The following SGCD variants were observed in gnomAD, a reference collection of about 807,000 sequenced individuals.
The protein encoded by SGCD is delta-sarcoglycan.
Under a neutral mutation model 36.6 loss-of-function variants are expected in SGCD, and 18 were observed. The ratio of observed to expected loss-of-function variants is 0.49; its 90% CI spans 0.34 to 0.73. The LOEUF (loss-of-function observed/expected upper bound fraction) is 0.73, where lower values mean the gene tolerates loss of function less well. Ranked by LOEUF, SGCD falls within the 30% of genes least tolerant of loss-of-function variation. The pLI is 0.01. For missense variants in SGCD, 387 were observed against 346.7 expected (o/e 1.12, Z -0.92); for synonymous variants, 133 against 130.6 (o/e 1.02, Z -0.12).
upstream of SGCD, among the ~76,000 whole-genome samples, chr5:156,323,835 G>T (rs527404413): frequency 6.6e-6 from 1 of 152,170 alleles, no homozygotes; most frequent in African/African-American, 2.4e-5. Flanking sequence ...AGAATAAAAA[G>T]GTGTAATAGG....
chr5:156,630,281 C>T (rs1431942027), intron 6 of SGCD, among the ~76,000 whole-genome samples: 1 of 152,154 alleles, frequency 6.6e-6, no homozygotes, highest in African/African-American at 2.4e-5. Context: ...AAATCTTCAG[C>T]ATCTCTTATA....
At chr5:156,615,761 C>T (rs984175003) in intron 6 of SGCD, among the ~76,000 whole-genome samples, 4 of 151,832 alleles carry the variant, frequency 2.6e-5, no homozygotes, top group Non-Finnish European at 5.9e-5. Context: ...ATCTGGGAGC[C>T]CAAGAAGAAA....
intron 3 of SGCD, among the ~76,000 whole-genome samples, chr5:156,224,526 T>G (rs1449554314): frequency 6.6e-6 from 1 of 152,144 alleles, no homozygotes; most frequent in African/African-American, 2.4e-5. Flanking sequence ...TCCAAATTAG[T>G]TTTTGTACCA....
chr5:156,122,227 C>T (rs187625466), intron 2 of SGCD, among the ~76,000 whole-genome samples: 1 of 152,192 alleles, frequency 6.6e-6, no homozygotes, highest in East Asian at 1.9e-4. Flanking sequence ...AAATATTTAT[C>T]GAGCTCCACT....
chr5:156,718,612 T>C (rs1451114433), intron 7 of SGCD, among the ~76,000 whole-genome samples: 1 of 151,760 alleles, frequency 6.6e-6, no homozygotes, highest in African/African-American at 2.4e-5. Flanking sequence ...AGACCCAGTC[T>C]CATAAAAAGA....
At chr5:156,228,469 C>A (rs1764913100) in intron 3 of SGCD, among the ~76,000 whole-genome samples, 1 of 152,144 alleles carries the variant, frequency 6.6e-6, no homozygotes, top group African/African-American at 2.4e-5. Context: ...CCCCTGCTTG[C>A]TTTTGATGTC....
At chr5:156,463,563 G>C (rs960066666) in intron 3 of SGCD, among the ~76,000 whole-genome samples, 1 of 152,102 alleles carries the variant, frequency 6.6e-6, no homozygotes, top group African/African-American at 2.4e-5. Flanking sequence ...GTTTTCTGAG[G>C]TATGGATGGC....
intron 3 of SGCD, among the ~76,000 whole-genome samples, chr5:156,193,496 G>A (rs1763943210): frequency 6.6e-6 from 1 of 152,136 alleles, no homozygotes; most frequent in Non-Finnish European, 1.5e-5. Context: ...GTGGCAGAAA[G>A]CACATTCCTT....
intron 1 of SGCD, among the ~76,000 whole-genome samples, chr5:156,113,182 T>C (rs1306125449): frequency 1.3e-5 from 2 of 152,214 alleles, no homozygotes; most frequent in East Asian, 3.8e-4. Context: ...TCACACTTTT[T>C]ATAGGGGAGG....
intron 3 of SGCD, among the ~76,000 whole-genome samples, chr5:156,456,270 G>A (rs377394760): frequency 3.3e-5 from 5 of 152,154 alleles, no homozygotes; most frequent in African/African-American, 1.2e-4. Context: ...TGTTTAAGGC[G>A]ATTCTGGTGA....
intron 1 of SGCD, among the ~76,000 whole-genome samples, chr5:155,904,326 G>T (rs1057297198): frequency 6.6e-6 from 1 of 152,162 alleles, no homozygotes; most frequent in Non-Finnish European, 1.5e-5. Flanking sequence ...CTTCTTTGCA[G>T]AGCTTCAACC....
At chr5:156,193,385 TTTC>T (rs1404536166) in intron 3 of SGCD, among the ~76,000 whole-genome samples, 4 of 152,184 alleles carry the variant, frequency 2.6e-5, no homozygotes, top group African/African-American at 9.6e-5. Context: ...TGCAAGTTTC[TTTC>T]TTATTTTGAG....
At chr5:156,508,379 T>C (rs758525560) in intron 3 of SGCD, among the ~76,000 whole-genome samples, 11 of 152,126 alleles carry the variant, frequency 7.2e-5, no homozygotes, top group Non-Finnish European at 1.3e-4. Context: ...CATTACAAAT[T>C]GCTTGGAATA....
At chr5:156,226,531 T>C (rs1190649002) in intron 3 of SGCD, among the ~76,000 whole-genome samples, 1 of 152,198 alleles carries the variant, frequency 6.6e-6, no homozygotes, top group East Asian at 1.9e-4. Context: ...TAAACATGCA[T>C]GTGCAAGTAT....
At chr5:156,594,751 A>C (rs1760855582) in intron 5 of SGCD, among the ~76,000 whole-genome samples, 181 bp from the exon 6 acceptor site, 3 of 152,210 alleles carry the variant, frequency 2.0e-5, no homozygotes, top group Admixed American at 2.0e-4. Flanking sequence ...AAGTCATGAG[A>C]CTGATTTTCA....
intron 1 of SGCD, among the ~76,000 whole-genome samples, chr5:156,099,922 A>C (rs1462012963): frequency 6.9e-6 from 1 of 144,644 alleles, no homozygotes; most frequent in African/African-American, 2.7e-5. Context: ...ACATTGTCAA[A>C]ATTTTTTTCT....
At chr5:156,573,164 G>A (rs989399764) in intron 4 of SGCD, among the ~76,000 whole-genome samples, 1 of 151,870 alleles carries the variant, frequency 6.6e-6, no homozygotes, top group Non-Finnish European at 1.5e-5. Flanking sequence ...TAAAAAAATT[G>A]GAAGCACATA....
At chr5:156,487,813 A>AAAAAAAAAAAAAAAAAAAGAAAAAG (rs1554107842) in intron 3 of SGCD, among the ~76,000 whole-genome samples, 7 of 77,796 alleles carry the variant, frequency 9.0e-5, no homozygotes, top group African/African-American at 1.3e-4. Flanking sequence ...AAAAAAAAAA[A>AAAAAAAAAAAAAAAAAAAGAAAAAG]AAAGAAAGAA....
At chr5:156,648,973 T>C (rs1763345398) in intron 7 of SGCD, among the ~76,000 whole-genome samples, 1 of 152,110 alleles carries the variant, frequency 6.6e-6, no homozygotes, top group Non-Finnish European at 1.5e-5. Flanking sequence ...ACAGAACTAG[T>C]CAGTAATTAG....
Sources: gnomAD v4.1 joint callset for allele counts (sites outside exome capture counted in the v4.1 genomes callset) on GRCh38, gnomAD v4.1.1 for gene constraint, MANE v1.5 for transcripts, NCBI Gene and HGNC (gene_info 2026-07-23, HGNC 2026-07-21) for gene names.